MAPKAP1: variants seen among roughly 807,000 people sequenced by gnomAD.
MAPKAP1 encodes MAPK associated protein 1.
A neutral mutation model predicts 65.7 loss-of-function variants in MAPKAP1; 20 were observed. The ratio of observed to expected loss-of-function variants is 0.30; its 90% confidence interval spans 0.21 to 0.44. The LOEUF (loss-of-function observed/expected upper bound fraction) is 0.44. Among genes scored for constraint, MAPKAP1 ranks in the 20% least tolerant of loss-of-function variants. The pLI is 1.00. For synonymous variants in MAPKAP1, 222 were observed against 244.3 expected, an observed-to-expected ratio of 0.91 and a Z score of 0.85; for missense variants, 423 against 648.0, an observed-to-expected ratio of 0.65 and a Z score of 3.77.
chr9:125,607,663 T>C (rs1167787429), intron 4 of MAPKAP1, among the ~76,000 whole-genome samples: 1 of 152,048 alleles, frequency 6.6e-6, no homozygotes, highest in African/African-American at 2.4e-5. Flanking sequence ...ATTTATTTAT[T>C]ATATATTTTT....
chr9:125,563,766 G>C (rs368088233), intron 5 of MAPKAP1, among the ~76,000 whole-genome samples: 195 of 152,084 alleles, frequency 1.3e-3, no homozygotes, highest in Middle Eastern at 0.01. Context: ...ACCCAGGCTA[G>C]AGTGCAATGG....
At position 125,447,198 on chromosome 9, in the gene MAPKAP1, C is replaced by A; in HGVS notation, c.1346-2600G>T. 3 of 311,478 alleles carry A rather than the reference C, an allele frequency of 9.6e-6. No individual in the cohort carries two copies. Among genetic ancestry groups the A allele is most frequent in the South Asian group, 5.4e-5 (2 of 37,030 alleles). The allele number at this position is 311,478 out of a possible 1,614,324, so 19.3% of individuals were successfully genotyped here. On this transcript the variant is annotated intron_variant, in intron 10 of 11. Transcript: ENST00000265960. This position sits in a 1 kb window ranked among gnomAD's most constrained non-coding sequence, Gnocchi z 4.5. ...GAGGCTGTGTGTGTCTCCTGCCTAT[C>A]CCCAGGGCTCATTCCAGCACCCATC...
intron 4 of MAPKAP1, chr9:125,596,334 G>A: frequency 1.3e-6 from 1 of 764,358 alleles, no homozygotes; most frequent in South Asian, 1.3e-5. Context: ...AAACTTCAGT[G>A]GTTGTGGTGC....
At chr9:125,670,351 A>C (rs1834460425) in intron 2 of MAPKAP1, among the ~76,000 whole-genome samples, 1 of 152,194 alleles carries the variant, frequency 6.6e-6, no homozygotes, top group Admixed American at 6.5e-5. Flanking sequence ...AGACTATTAA[A>C]GTTTTAAATA....
intron 10 of MAPKAP1, among the ~76,000 whole-genome samples, chr9:125,465,978 C>A (rs1853655913): frequency 6.6e-6 from 1 of 152,164 alleles, no homozygotes; most frequent in Non-Finnish European, 1.5e-5. Flanking sequence ...GTGACCACAG[C>A]CCAAATGTGA....
chr9:125,457,726 A>G (rs1853243015), intron 10 of MAPKAP1, among the ~76,000 whole-genome samples: 1 of 152,180 alleles, frequency 6.6e-6, no homozygotes, highest in Admixed American at 6.5e-5. Flanking sequence ...ATTTAGTCCT[A>G]TTTCTAAGAT....
chr9:125,443,176 G>A (rs1852559072), intron 11 of MAPKAP1, among the ~76,000 whole-genome samples: 1 of 152,206 alleles, frequency 6.6e-6, no homozygotes. Context: ...CGCTACTTCT[G>A]CTATTATGTG....
intron 4 of MAPKAP1, among the ~76,000 whole-genome samples, chr9:125,597,029 A>G (rs1832149044): frequency 1.3e-5 from 2 of 150,944 alleles, no homozygotes; most frequent in South Asian, 4.2e-4. Context: ...TTTGGAGGCC[A>G]AGGCGGGCAG....
chr9:125,556,340 GAC>G (rs1433630423), intron 6 of MAPKAP1, among the ~76,000 whole-genome samples: 34 of 152,326 alleles, frequency 2.2e-4, no homozygotes, highest in African/African-American at 7.9e-4. Context: ...TCAGCCTTAA[GAC>G]AGTGAGATTC....
At chr9:125,480,789 G>A (rs1025871418) in intron 9 of MAPKAP1, among the ~76,000 whole-genome samples, 25 of 151,724 alleles carry the variant, frequency 1.6e-4, no homozygotes, top group African/African-American at 6.1e-4. Context: ...TGGCTAACAT[G>A]GTGAAACCCC....
intron 9 of MAPKAP1, among the ~76,000 whole-genome samples, chr9:125,480,724 G>A (rs1176877208): frequency 1.3e-5 from 2 of 151,794 alleles, no homozygotes; most frequent in Non-Finnish European, 2.9e-5. Flanking sequence ...TGTAATCCCA[G>A]CACTTTGGGA....
intron 4 of MAPKAP1, among the ~76,000 whole-genome samples, chr9:125,615,459 G>C (rs575062455): frequency 6.6e-6 from 1 of 150,534 alleles, no homozygotes; most frequent in South Asian, 2.1e-4. Flanking sequence ...TTGGAAGGCC[G>C]AGGTGGGTGG....
Position 125,476,911 on chromosome 9 carries a change from G to A in MAPKAP1, c.1207+7532C>T, listed in dbSNP as rs181534793. The stretch of plus-strand genomic sequence containing the variant: ...TTTATGTTGCCCTCAGACACAGCTG[G>A]AGATGCTGCCTCAGCATAATGCTCT... On this transcript the variant is annotated intron_variant, in intron 9 of 11. Transcript: ENST00000265960. 2.6e-5 allele frequency among the ~76,000 whole-genome samples: 4 copies of A among 152,280 alleles called. No individual in the cohort carries two copies. In the East Asian group the frequency reaches 7.7e-4, roughly 29 times the overall value.
At chr9:125,624,015 C>T (rs1833003566) in intron 4 of MAPKAP1, among the ~76,000 whole-genome samples, 1 of 41,900 alleles carries the variant, frequency 2.4e-5, no homozygotes, top group Admixed American at 2.2e-4. Flanking sequence ...GCCAGCCGCC[C>T]CGTCTGGGAG....
intron 4 of MAPKAP1, among the ~76,000 whole-genome samples, chr9:125,642,129 C>G (rs1833596060): frequency 6.6e-6 from 1 of 150,982 alleles, no homozygotes; most frequent in African/African-American, 2.4e-5. Context: ...CACTTGAGCC[C>G]AGGAAGTCAA....
chr9:125,698,632 G>A (rs1312286133), intron 1 of MAPKAP1, among the ~76,000 whole-genome samples: 1 of 151,728 alleles, frequency 6.6e-6, no homozygotes, highest in African/African-American at 2.4e-5. Context: ...ATGAGCCACC[G>A]CACCCGGCCC....
intron 5 of MAPKAP1, among the ~76,000 whole-genome samples, chr9:125,576,305 T>A (rs750443595): frequency 2.0e-5 from 3 of 152,178 alleles, no homozygotes; most frequent in Non-Finnish European, 4.4e-5. Flanking sequence ...TAATATTGGT[T>A]CATCAACTTT....
At chr9:125,532,506 C>T (rs1829961440) in intron 7 of MAPKAP1, among the ~76,000 whole-genome samples, 1 of 152,232 alleles carries the variant, frequency 6.6e-6, no homozygotes, top group South Asian at 2.1e-4. Context: ...CCCAATTTAT[C>T]CACTCTGACT....
chr9:125,657,943 A>G lies in MAPKAP1; in HGVS notation c.350-144T>C, dbSNP rs917031581. On this transcript the variant is annotated intron_variant, in intron 3 of 11. Coordinates refer to ENST00000265960, the MANE Select transcript of MAPKAP1 (RefSeq NM_001006617.3). ...GGATACATGCAGAAAGCCCCACAAT[A>G]TACCGTGCACTGAAAAGGCAGAGCA... 12 of 733,750 alleles carry G rather than the reference A, an allele frequency of 1.6e-5. No individual in the cohort carries two copies. The African/African-American group carries it at 2.1e-4, about 13-fold the overall frequency. 45.5% of individuals were successfully genotyped at this position (733,750 alleles called of 1,614,324 possible).
Sources: allele counts gnomAD v4.1 joint callset (sites outside exome capture counted in the v4.1 genomes callset), GRCh38; gene constraint gnomAD v4.1.1; non-coding constraint Gnocchi (gnomAD v3.1); transcripts MANE v1.5; gene names NCBI Gene and HGNC (gene_info 2026-07-23, HGNC 2026-07-21).